Variants in NELFCD observed in about 807,000 individuals in gnomAD.
NELFCD encodes the protein negative elongation factor complex member C/D.
In NELFCD, 48 loss-of-function variants were observed where a neutral mutation model predicts 72.9. That is an observed-to-expected ratio of 0.66 (90% CI 0.52 to 0.84). The LOEUF is 0.84. NELFCD is among the 40% of genes least tolerant of loss of function. The probability of loss-of-function intolerance (pLI) is 0.00; values close to 1 mark genes in which losing one functional copy is unlikely to be tolerated. For synonymous variants in NELFCD, 297 were observed against 280.6 expected (o/e 1.06, Z -0.59); for missense variants, 538 against 723.8 (o/e 0.74, Z 2.94).
rs779817494 is a variant in NELFCD, at chr20:58,986,228, G to C, written c.176+20G>C. On this transcript the variant is annotated intron_variant, in intron 2 of 14. Transcript: ENST00000652272. The surrounding 1 kb of genome is among the most constrained non-coding windows in gnomAD (Gnocchi z 4.4). ...GAAGAGGTATGTGAGAAAGGTGTCT[G>C]TATTGGGAGGAGGCTGGGGGTAATT... 1.3e-6 allele frequency: 2 copies of C among 1,487,162 alleles called. No individual in the cohort carries two copies. Among genetic ancestry groups the C allele is most frequent in the South Asian group, 1.1e-5 (1 of 88,552 alleles). The allele number at this position is 1,487,162 out of a possible 1,614,324, so 92.1% of individuals were successfully genotyped here. A position where few individuals can be genotyped will look rare whatever the true frequency, so the allele number is the denominator to read the frequency against.
intron 8 of NELFCD, 33 bp downstream of exon 8, chr20:58,991,108 C>G (rs1462010551): frequency 6.2e-7 from 1 of 1,606,006 alleles, no homozygotes; most frequent in Non-Finnish European, 8.5e-7. Context: ...CCAATGTCAG[C>G]TGGTAAGGTG....
chr20:58,993,390 T>C lies in NELFCD; in HGVS notation c.1345-59T>C. 3 of 1,530,150 alleles carry C rather than the reference T, an allele frequency of 2.0e-6. No homozygotes were observed. The highest frequency in any genetic ancestry group is 2.7e-6 in the Non-Finnish European group (3 of 1,112,280). 94.8% of individuals were successfully genotyped at this position (1,530,150 alleles called of 1,614,324 possible). ...TTGGTGGCTGTGACAGTGCCCAGTT[T>C]CTCTGTGTGCTGAGCGTGACCACAC... On this transcript the variant is annotated intron_variant, in intron 11 of 14. Coordinates refer to ENST00000652272, the MANE Select transcript of NELFCD (RefSeq NM_198976.4). The surrounding 1 kb of genome is among the most constrained non-coding windows in gnomAD (Gnocchi z 5.0).
chr20:58,987,332 A>T, intron 3 of NELFCD: 1 of 268,236 alleles, frequency 3.7e-6, no homozygotes, highest in Non-Finnish European at 7.0e-6. Flanking sequence ...TTGTGGACAC[A>T]CTGCTGTCCC....
At chr20:58,994,010 G>C in intron 13 of NELFCD, 100 bp from the exon 14 acceptor site, 1 of 1,421,898 alleles carries the variant, frequency 7.0e-7, no homozygotes, top group East Asian at 2.3e-5. Context: ...CGGTGGGGGT[G>C]GGGAGGGATT....
Position 58,991,449 on chromosome 20 carries a change from A to G in NELFCD, c.1089+3A>G, listed in dbSNP as rs1398489857. 6.2e-7 allele frequency: 1 copy of G among 1,613,996 alleles called. No individual in the cohort carries two copies. Among genetic ancestry groups the G allele is most frequent in the East Asian group, 2.2e-5 (1 of 44,900 alleles). ...GCGTGGTTGAGACCTGGAAGAAGGT[A>G]CCATCGGTTCTGGGAATTTGTGGAT... On this transcript the variant is annotated splice_donor_region_variant and intron_variant, in intron 9 of 14. Transcript: ENST00000652272.
rs921286930 is a variant in NELFCD, at chr20:58,992,871, TGGG to T, written c.1230-123_1230-121del. The T allele has an allele frequency of 4.4e-4, 263 of 604,382 alleles. 3 individuals carry two copies. The highest frequency in any genetic ancestry group is 3.8e-3 in the South Asian group (192 of 49,882). The allele number at this position is 604,382 out of a possible 1,614,324, so 37.4% of individuals were successfully genotyped here. A position where few individuals can be genotyped will look rare whatever the true frequency, so the allele number is the denominator to read the frequency against. On this transcript the variant is annotated intron_variant, in intron 10 of 14. Transcript: ENST00000652272. ...CTCAAAAAAAAAAAAAAAAAAGGGT[TGGG>T]GGGCGTATTGAAGGGTGAATGATGG...
chr20:58,992,125 CATTTT>C, intron 10 of NELFCD, 105 bp downstream of exon 10: 1 of 1,202,908 alleles, frequency 8.3e-7, no homozygotes, highest in Non-Finnish European at 1.2e-6. Context: ...GATACTTGTT[CATTTT>C]ATTTATTTTT....
Position 58,986,907 on chromosome 20 carries a change from T to C in NELFCD, c.286+44T>C. ...CTGTCCTGGCTAGTTACCCCCACTTTTTTAAAAATAGACTTTTGGGTCCTT... is the reference window on the plus strand; with the variant it reads ...CTGTCCTGGCTAGTTACCCCCACTTCTTTAAAAATAGACTTTTGGGTCCTT... On this transcript the variant is annotated intron_variant, in intron 3 of 14. Coordinates refer to ENST00000652272, the MANE Select transcript of NELFCD (RefSeq NM_198976.4). This position sits in a 1 kb window ranked among gnomAD's most constrained non-coding sequence, Gnocchi z 4.4. The C allele has an allele frequency of 7.6e-7, 1 of 1,308,702 alleles. No homozygotes were observed. The highest frequency in any genetic ancestry group is 1.1e-6 in the Non-Finnish European group (1 of 920,426). 81.1% of individuals were successfully genotyped at this position (1,308,702 alleles called of 1,614,324 possible). A position where few individuals can be genotyped will look rare whatever the true frequency, so the allele number is the denominator to read the frequency against.
At chr20:58,994,579 AAG>A (rs367932329) in intron 14 of NELFCD, 61 bp from the exon 15 acceptor site, 26 of 1,337,384 alleles carry the variant, frequency 1.9e-5, no homozygotes, top group Admixed American at 4.0e-5. Context: ...AAAAAAAAAA[AAG>A]AAAGAAAATG....
chr20:58,993,138 G>T lies in NELFCD; in HGVS notation c.1344+26G>T, dbSNP rs756152151. On this transcript the variant is annotated intron_variant, in intron 11 of 14. Transcript: ENST00000652272. The surrounding 1 kb of genome is among the most constrained non-coding windows in gnomAD (Gnocchi z 5.0). ...GTAAGAGGGCGGAGAGCTGTTCACA[G>T]CCTACACAGTGTCTGTCTCATGCTG... 6 of 1,518,378 alleles carry T rather than the reference G, an allele frequency of 4.0e-6. No homozygotes were observed. The Admixed American group carries it at 1.0e-4, about 25-fold the overall frequency. 94.1% of individuals were successfully genotyped at this position (1,518,378 alleles called of 1,614,324 possible). A position where few individuals can be genotyped will look rare whatever the true frequency, so the allele number is the denominator to read the frequency against.
At chr20:58,990,105 A>G in intron 7 of NELFCD, 117 bp downstream of exon 7, 2 of 1,416,700 alleles carry the variant, frequency 1.4e-6, no homozygotes, top group Non-Finnish European at 1.9e-6. Flanking sequence ...GTAGAGGTAA[A>G]CTTGCTTTTG....
chr20:58,992,469 A>C (rs1370284357), intron 10 of NELFCD, among the ~76,000 whole-genome samples: 1 of 152,246 alleles, frequency 6.6e-6, no homozygotes, highest in Non-Finnish European at 1.5e-5. Context: ...AACCCAGTCC[A>C]CCAAACTCAC....
chr20:58,991,852 G>C, intron 9 of NELFCD, 29 bp from the exon 10 acceptor site: 1 of 1,610,962 alleles, frequency 6.2e-7, no homozygotes, highest in Non-Finnish European at 8.5e-7. Flanking sequence ...TGCCCTGTCA[G>C]GCTCACCAGC....
chr20:58,991,668 A>G (rs1307175906), intron 9 of NELFCD: 4 of 738,152 alleles, frequency 5.4e-6, no homozygotes, highest in African/African-American at 5.3e-5. Context: ...GACTAAAGAA[A>G]TGAAACTGAT....
At chr20:58,982,307 C>G (rs1157051543) in intron 1 of NELFCD, among the ~76,000 whole-genome samples, 1 of 151,982 alleles carries the variant, frequency 6.6e-6, no homozygotes, top group African/African-American at 2.4e-5. Flanking sequence ...CAGGCACCCA[C>G]CACCATGCCC....
chr20:58,989,554 G>T lies in NELFCD; in HGVS notation c.571G>T (p.Val191Leu). Reference sequence around the variant, plus strand: ...GTCCACAGCATGCCAGCAGCTAGAAGTGTTCTCGAGAGTGCTCCGGACCTC... The same window carrying T: ...GTCCACAGCATGCCAGCAGCTAGAATTGTTCTCGAGAGTGCTCCGGACCTC... ...SVSTACQQLE[V>L]FSRVLRTSLA... Residue 191 changes from valine (V) to leucine (L), a missense_variant, in exon 6 of 15, where the codon GTG (valine) becomes TTG (leucine). Transcript: ENST00000652272. 6.2e-7 allele frequency: 1 copy of T among 1,614,212 alleles called. No homozygotes were observed. The highest frequency in any genetic ancestry group is 1.1e-5 in the South Asian group (1 of 91,086).
Position 58,994,101 on chromosome 20 carries a change from C to G in NELFCD, c.1582-9C>G. The stretch of plus-strand genomic sequence containing the variant: ...TGCGGAAGAAGTCACCCTGTGCTCC[C>G]CCACGCAGGTGCTGGACGTCATTGC... On this transcript the variant is annotated splice_polypyrimidine_tract_variant and intron_variant, in intron 13 of 14. Coordinates refer to ENST00000652272, the MANE Select transcript of NELFCD (RefSeq NM_198976.4). 4 of 1,613,992 alleles carry G rather than the reference C, an allele frequency of 2.5e-6. No homozygotes were observed. The highest frequency in any genetic ancestry group is 3.4e-6 in the Non-Finnish European group (4 of 1,179,892).
Position 58,993,003 on chromosome 20 carries a change from C to T in NELFCD, c.1235C>T (p.Pro412Leu). 1 of 1,612,220 alleles carries T rather than the reference C, an allele frequency of 6.2e-7. No individual in the cohort carries two copies. ...GCATTCTGCCTTAACTGTAGGTTTCCAGTGGTAGCAATGGGTGTGCTGAAG... is the reference window on the plus strand; with the variant it reads ...GCATTCTGCCTTAACTGTAGGTTTCTAGTGGTAGCAATGGGTGTGCTGAAG... ...LSTLYQCIRF[P>L]VVAMGVLKWV... The change falls in exon 11 of 15, where the codon CCA becomes CTA. Residue 412 changes from proline (P) to leucine (L), a missense_variant. By Grantham distance (98) the Pro-to-Leu change is moderately conservative. Around this residue, in one of 3 missense-constraint regions of NELFCD, gnomAD observed 355 missense variants for 534.5 expected, o/e 0.66. Transcript: ENST00000652272. The surrounding 1 kb of genome is among the most constrained non-coding windows in gnomAD (Gnocchi z 5.0).
In NELFCD at chr20:58,986,289, T is replaced by C. The variant is rs2091771588; in HGVS notation, c.176+81T>C. ...TTTGTAATACACCCAGAAGGTGCTA[T>C]GTAAAGCAAGAGTAACGCGAACTGA... On this transcript the variant is annotated intron_variant, in intron 2 of 14. Coordinates refer to ENST00000652272, the MANE Select transcript of NELFCD (RefSeq NM_198976.4). The surrounding 1 kb of genome is among the most constrained non-coding windows in gnomAD (Gnocchi z 4.4). The C allele has an allele frequency of 5.4e-6, 5 of 932,682 alleles. No individual in the cohort carries two copies. The allele number at this position is 932,682 out of a possible 1,614,324, so 57.8% of individuals were successfully genotyped here.
Sources: allele counts gnomAD v4.1 joint callset (sites outside exome capture counted in the v4.1 genomes callset), GRCh38; gene constraint gnomAD v4.1.1; regional missense constraint gnomAD v4.1.1; non-coding constraint Gnocchi (gnomAD v3.1); transcripts MANE v1.5; gene names NCBI Gene and HGNC (gene_info 2026-07-23, HGNC 2026-07-21).